The following SOX5 variants were observed in gnomAD, a reference collection of about 807,000 sequenced individuals.
SOX5 encodes transcription factor SOX-5.
In SOX5, 9 loss-of-function variants were observed where a neutral mutation model predicts 92.0. The observed-to-expected ratio is 0.10, with a 90% CI of 0.06 to 0.17. SOX5 has a LOEUF of 0.17. Ranked by LOEUF, SOX5 falls within the 10% of genes least tolerant of loss-of-function variation. The pLI is 1.00. For missense variants in SOX5, 642 were observed against 944.5 expected, an observed-to-expected ratio of 0.68 and a Z score of 4.20; for synonymous variants, 344 against 336.3, an observed-to-expected ratio of 1.02 and a Z score of -0.25.
chr12:24,115,225 G>A lies in SOX5; in HGVS notation c.-2+98118C>T, dbSNP rs149686997. Among the ~76,000 whole-genome samples the A allele has an allele frequency of 3.2e-3, 491 of 152,214 alleles. 1 individual carries two copies. Among genetic ancestry groups the A allele is most frequent in the Middle Eastern group, 0.01 (3 of 294 alleles). ...CACAGATTAGAGGTAGAGTCTTGCT[G>A]TTCAAAACATAAACAAGAACAAAAA... On this transcript the variant is annotated intron_variant, in intron 4 of 4. Transcript: ENST00000446891.
chr12:23,916,186 A>G (rs10505915), intron 1 of SOX5, among the ~76,000 whole-genome samples: 11,070 of 152,292 alleles, frequency 0.073, 526 homozygotes, highest in East Asian at 0.098. Context: ...ACACACTATC[A>G]TCAATAATTT....
chr12:23,646,423 T>C (rs2080855856), intron 7 of SOX5, among the ~76,000 whole-genome samples: 1 of 152,158 alleles, frequency 6.6e-6, no homozygotes, highest in Non-Finnish European at 1.5e-5. Context: ...TGCCTTGGCC[T>C]CCCAAAGTGC....
At chr12:23,989,125 G>T (rs1161678747) in intron 4 of SOX5, among the ~76,000 whole-genome samples, 1 of 149,624 alleles carries the variant, frequency 6.7e-6, no homozygotes, top group Non-Finnish European at 1.5e-5. Flanking sequence ...TGTAATCCCA[G>T]CACTTTGGGA....
intron 4 of SOX5, among the ~76,000 whole-genome samples, chr12:24,163,489 T>A (rs1953009643): frequency 6.7e-6 from 1 of 149,416 alleles, no homozygotes; most frequent in Admixed American, 6.7e-5. Context: ...ATTTTGGGCC[T>A]TCTAATTTTT....
intron 1 of SOX5, among the ~76,000 whole-genome samples, chr12:24,455,378 G>A (rs1287883703): frequency 6.6e-6 from 1 of 152,142 alleles, no homozygotes; most frequent in Non-Finnish European, 1.5e-5. Flanking sequence ...GTCTCATACT[G>A]TATGTAAGCA....
At chr12:24,049,030 G>A (rs1203657474) in intron 4 of SOX5, among the ~76,000 whole-genome samples, 1 of 152,098 alleles carries the variant, frequency 6.6e-6, no homozygotes, top group Non-Finnish European at 1.5e-5. Context: ...CAATGTAAAT[G>A]ATGTCCTAAT....
At chr12:24,066,666 A>G (rs1940805040) in intron 4 of SOX5, among the ~76,000 whole-genome samples, 1 of 152,258 alleles carries the variant, frequency 6.6e-6, no homozygotes. Flanking sequence ...TTAATTAACA[A>G]CTTGCTGAAA....
Position 24,393,199 on chromosome 12 carries a change from T to TG in SOX5, c.-250-24561dup. On this transcript the variant is annotated intron_variant, in intron 1 of 4. Coordinates refer to the SOX5 transcript ENST00000446891. This position sits in a 1 kb window ranked among gnomAD's most constrained non-coding sequence, Gnocchi z 5.0. Reference sequence around the variant, plus strand: ...AACAAACCCACTGCCTGGGGCAGCCTGGGGCTGATGGATGATGACAGCTAG... The same window carrying TG: ...AACAAACCCACTGCCTGGGGCAGCCTGGGGGCTGATGGATGATGACAGCTAG... Among the ~76,000 whole-genome samples the TG allele has an allele frequency of 6.6e-6, 1 of 152,342 alleles. No homozygotes were observed.
chr12:24,264,708 T>C (rs1942754967), intron 3 of SOX5, among the ~76,000 whole-genome samples: 1 of 152,186 alleles, frequency 6.6e-6, no homozygotes, highest in African/African-American at 2.4e-5. Flanking sequence ...CCTCTGTAAA[T>C]GTATCTGTAA....
intron 2 of SOX5, among the ~76,000 whole-genome samples, chr12:24,334,330 G>A (rs1460308208): frequency 6.6e-6 from 1 of 151,692 alleles, no homozygotes; most frequent in Non-Finnish European, 1.5e-5. Flanking sequence ...TAATCAATGA[G>A]GAAAACTGTA....
chr12:24,470,752 C>T (rs1477232238), intron 1 of SOX5, among the ~76,000 whole-genome samples: 2 of 152,098 alleles, frequency 1.3e-5, no homozygotes, highest in African/African-American at 2.4e-5. Flanking sequence ...CATTATTTAC[C>T]AGGTGAGTAA....
At chr12:23,897,019 C>T (rs1163393550) in intron 1 of SOX5, among the ~76,000 whole-genome samples, 1 of 151,968 alleles carries the variant, frequency 6.6e-6, no homozygotes. Context: ...TTAAATTATT[C>T]CCATAGAAAT....
intron 4 of SOX5, among the ~76,000 whole-genome samples, chr12:23,969,022 A>T (rs1018110317): frequency 6.6e-6 from 1 of 152,172 alleles, no homozygotes; most frequent in Non-Finnish European, 1.5e-5. Context: ...CCCCAAATTA[A>T]ACTCATCACC....
chr12:23,580,429 C>T (rs961355758), intron 9 of SOX5, among the ~76,000 whole-genome samples: 10 of 151,866 alleles, frequency 6.6e-5, no homozygotes, highest in South Asian at 6.2e-4. Context: ...AAAGTTAAGG[C>T]GCAAATTCAC....
intron 3 of SOX5, among the ~76,000 whole-genome samples, chr12:24,222,556 G>A (rs757631696): frequency 3.3e-5 from 5 of 152,004 alleles, no homozygotes; most frequent in African/African-American, 7.3e-5. Context: ...AAAAGCAGGC[G>A]TTCATCAAGG....
chr12:24,366,224 C>A (rs933933946), intron 2 of SOX5, among the ~76,000 whole-genome samples: 7 of 152,110 alleles, frequency 4.6e-5, no homozygotes, highest in African/African-American at 1.4e-4. Flanking sequence ...TCTTTGCTAC[C>A]TAGCATTAAT....
intron 4 of SOX5, among the ~76,000 whole-genome samples, chr12:24,017,125 G>A (rs562434269): frequency 4.0e-4 from 61 of 152,256 alleles, no homozygotes; most frequent in African/African-American, 1.4e-3. Flanking sequence ...TCTTTAAACC[G>A]TCAATAATTG....
At chr12:24,386,900 A>G (rs977225776) in intron 1 of SOX5, among the ~76,000 whole-genome samples, 4 of 152,210 alleles carry the variant, frequency 2.6e-5, no homozygotes, top group Non-Finnish European at 5.9e-5. Context: ...AAAAAGATAA[A>G]TAGAAAAGTA....
chr12:23,575,564 AGCC>A lies in SOX5; in HGVS notation c.1342+94_1342+96del, dbSNP rs1248139931. On this transcript the variant is annotated intron_variant, in intron 10 of 14. Transcript: ENST00000451604. ...AATTGAAGCTGTCCTATAGAATTCAAGCCGTGTATAGAGTGGGTGTGATGTGCC... is the reference window on the plus strand; with the variant it reads ...AATTGAAGCTGTCCTATAGAATTCAAGTGTATAGAGTGGGTGTGATGTGCC... 4.4e-6 allele frequency: 5 copies of A among 1,135,760 alleles called. No homozygotes were observed. The African/African-American group carries it at 7.7e-5, about 18-fold the overall frequency. The allele number at this position is 1,135,760 out of a possible 1,614,324, so 70.4% of individuals were successfully genotyped here.
Sources: allele counts gnomAD v4.1 joint callset (sites outside exome capture counted in the v4.1 genomes callset), GRCh38; gene constraint gnomAD v4.1.1; non-coding constraint Gnocchi (gnomAD v3.1); transcripts MANE v1.5; gene names NCBI Gene and HGNC (gene_info 2026-07-23, HGNC 2026-07-21).